IPO8: variants seen among roughly 807,000 people sequenced by gnomAD.
The protein encoded by IPO8 is importin 8.
Under a neutral mutation model 141.2 loss-of-function variants are expected in IPO8, and 65 were observed. The observed-to-expected ratio is 0.46, with a 90% CI of 0.38 to 0.57. The LOEUF (loss-of-function observed/expected upper bound fraction) is 0.57, where lower values mean the gene tolerates loss of function less well. IPO8 is among the 20% of genes least tolerant of loss of function. IPO8 has a pLI of 0.00. For missense variants in IPO8, 980 were observed against 1,246.8 expected, an observed-to-expected ratio of 0.79 and a Z score of 3.22; for synonymous variants, 411 against 420.3, an observed-to-expected ratio of 0.98 and a Z score of 0.27.
chr12:30,673,840 A>G (rs2053083111), intron 8 of IPO8, 150 bp downstream of exon 8: 4 of 481,670 alleles, frequency 8.3e-6, no homozygotes, highest in South Asian at 1.2e-4. Flanking sequence ...TTTTAAAACT[A>G]ATTGCACTGT....
chr12:30,659,011 G>A (rs1028000914), intron 16 of IPO8, among the ~76,000 whole-genome samples: 2 of 151,030 alleles, frequency 1.3e-5, no homozygotes, highest in Non-Finnish European at 2.9e-5. Flanking sequence ...CTCCCAAGTA[G>A]CTGGGACTAC....
intron 5 of IPO8, among the ~76,000 whole-genome samples, chr12:30,678,939 G>C (rs983546092): frequency 1.3e-5 from 2 of 152,078 alleles, no homozygotes; most frequent in Non-Finnish European, 2.9e-5. Flanking sequence ...TCCTGGGTTT[G>C]AGCAATTCTC....
intron 10 of IPO8, among the ~76,000 whole-genome samples, chr12:30,668,609 T>G (rs754968026): frequency 1.3e-5 from 2 of 152,176 alleles, no homozygotes; most frequent in African/African-American, 4.8e-5. Flanking sequence ...TGTTAAGTGC[T>G]TGAGTGTTCC....
At chr12:30,640,117 G>A (rs1591822812) in intron 20 of IPO8, among the ~76,000 whole-genome samples, 1 of 151,968 alleles carries the variant, frequency 6.6e-6, no homozygotes, top group South Asian at 2.1e-4. Context: ...TAAATAAATG[G>A]GACTGAAAAT....
chr12:30,660,042 G>A (rs1437104494), intron 16 of IPO8, among the ~76,000 whole-genome samples: 2 of 151,872 alleles, frequency 1.3e-5, no homozygotes, highest in Non-Finnish European at 2.9e-5. Flanking sequence ...GGCCAACGTG[G>A]TGAAACCCCA....
intron 16 of IPO8, among the ~76,000 whole-genome samples, chr12:30,659,919 T>C (rs540402365): frequency 1.4e-5 from 2 of 147,840 alleles, no homozygotes; most frequent in African/African-American, 2.5e-5. Context: ...GGTTTAACAA[T>C]GCTATTTAAA....
At chr12:30,636,352 C>T (rs917558600) in intron 22 of IPO8, among the ~76,000 whole-genome samples, 1 of 151,978 alleles carries the variant, frequency 6.6e-6, no homozygotes, top group Non-Finnish European at 1.5e-5. Flanking sequence ...ATGCTACTTC[C>T]TAGTCTCTAG....
chr12:30,630,476 T>C lies in IPO8; in HGVS notation c.*384A>G. On this transcript the variant is annotated 3_prime_UTR_variant, in exon 25 of 25. Coordinates refer to ENST00000256079, the MANE Select transcript of IPO8 (RefSeq NM_006390.4). ...ATTGCAATGCACTCCAAAAATTTTT[T>C]TCTGATAATTCATGTACAACAGAAG... 1 of 179,682 alleles carries C rather than the reference T, an allele frequency of 5.6e-6. No homozygotes were observed. Among genetic ancestry groups the C allele is most frequent in the Non-Finnish European group, 1.1e-5 (1 of 87,118 alleles). 11.1% of individuals were successfully genotyped at this position (179,682 alleles called of 1,614,324 possible). A position where few individuals can be genotyped will look rare whatever the true frequency, so the allele number is the denominator to read the frequency against.
intron 5 of IPO8, chr12:30,677,237 A>G (rs2053134391): frequency 2.1e-6 from 1 of 471,174 alleles, no homozygotes; most frequent in Middle Eastern, 3.3e-4. Context: ...GACTGCATAT[A>G]CAACAATGGT....
At chr12:30,644,851 C>T (rs2052621899) in intron 20 of IPO8, among the ~76,000 whole-genome samples, 1 of 151,422 alleles carries the variant, frequency 6.6e-6, no homozygotes, top group South Asian at 2.1e-4. Flanking sequence ...CAGGGTTTCA[C>T]CATGTTGGCC....
chr12:30,682,125 C>T (rs956422558), intron 3 of IPO8, among the ~76,000 whole-genome samples: 1 of 152,156 alleles, frequency 6.6e-6, no homozygotes, highest in Non-Finnish European at 1.5e-5. Flanking sequence ...TCTACCTCCA[C>T]TCTGTAAAAT....
chr12:30,637,822 A>G (rs562076094), intron 21 of IPO8, among the ~76,000 whole-genome samples: 3 of 152,364 alleles, frequency 2.0e-5, no homozygotes, highest in Admixed American at 2.0e-4. Flanking sequence ...TTAAAACTAA[A>G]AAATTAAGAA....
rs1402626857 is a variant in IPO8, at chr12:30,630,818, TA to T, written c.*41del. 1.3e-6 allele frequency: 2 copies of T among 1,507,010 alleles called. No individual in the cohort carries two copies. The highest frequency in any genetic ancestry group is 3.4e-5 in the Admixed American group (2 of 59,034). The allele number at this position is 1,507,010 out of a possible 1,614,324, so 93.4% of individuals were successfully genotyped here. ...TGACCCTCACACTCCTCTTGTGAAA[TA>T]AAATGCAGCGATGACATTTGGTCAG... On this transcript the variant is annotated 3_prime_UTR_variant, in exon 25 of 25. Transcript: ENST00000256079.
Position 30,630,962 on chromosome 12 carries a change from C to T in IPO8, c.3017-5G>A, listed in dbSNP as rs2052423752. On this transcript the variant is annotated splice_polypyrimidine_tract_variant and splice_region_variant and intron_variant, in intron 24 of 24. Transcript: ENST00000256079. Reference sequence around the variant, plus strand: ...GTTCAATCTTCTTCTTTGCCTCTAGCATTTTTCAAAAGAAAAGGGGAGAAG... The same window carrying T: ...GTTCAATCTTCTTCTTTGCCTCTAGTATTTTTCAAAAGAAAAGGGGAGAAG... 1 of 1,608,166 alleles carries T rather than the reference C, an allele frequency of 6.2e-7. No individual in the cohort carries two copies. Among genetic ancestry groups the T allele is most frequent in the South Asian group, 1.1e-5 (1 of 90,442 alleles).
Position 30,630,710 on chromosome 12 carries a change from G to A in IPO8, c.*150C>T. On this transcript the variant is annotated 3_prime_UTR_variant, in exon 25 of 25. Coordinates refer to ENST00000256079, the MANE Select transcript of IPO8 (RefSeq NM_006390.4). ...AGGGTGACAAAGGTCAAAGGGGAAA[G>A]AGTAGATAAAAGTGCTGCCTAATGC... The A allele has an allele frequency of 1.6e-6, 1 of 616,520 alleles. No homozygotes were observed. Among genetic ancestry groups the A allele is most frequent in the Non-Finnish European group, 2.9e-6 (1 of 345,866 alleles). The allele number at this position is 616,520 out of a possible 1,614,324, so 38.2% of individuals were successfully genotyped here.
chr12:30,683,702 T>C (rs554308322), intron 3 of IPO8, among the ~76,000 whole-genome samples: 18 of 152,230 alleles, frequency 1.2e-4, no homozygotes, highest in Non-Finnish European at 2.6e-4. Flanking sequence ...CAGTCATTGA[T>C]GCCTTGTGGC....
At chr12:30,652,845 G>T in intron 18 of IPO8, 122 bp downstream of exon 18, 1 of 934,384 alleles carries the variant, frequency 1.1e-6, no homozygotes, top group Non-Finnish European at 1.6e-6. Context: ...GCTTTTATGT[G>T]ACCGGGAAAT....
chr12:30,652,966 C>T lies in IPO8; in HGVS notation c.2074+1G>A. 1.2e-6 allele frequency: 2 copies of T among 1,604,320 alleles called. No individual in the cohort carries two copies. Among genetic ancestry groups the T allele is most frequent in the Non-Finnish European group, 1.7e-6 (2 of 1,176,668 alleles). On this transcript the variant is annotated splice_donor_variant, in intron 18 of 24. Coordinates refer to ENST00000256079, the MANE Select transcript of IPO8 (RefSeq NM_006390.4). LOFTEE classifies it high-confidence loss of function. The stretch of plus-strand genomic sequence containing the variant: ...AAAATTTTATATGGTCAAAGCCATA[C>T]CTGTAAAGTATTCAAAGCAATCCTG...
intron 10 of IPO8, among the ~76,000 whole-genome samples, chr12:30,667,431 G>A (rs1035747465): frequency 4.6e-5 from 7 of 152,142 alleles, no homozygotes; most frequent in African/African-American, 1.7e-4. Context: ...GGGGAAGTGA[G>A]GAGATGTTGG....
Sources: allele counts gnomAD v4.1 joint callset (sites outside exome capture counted in the v4.1 genomes callset), GRCh38; gene constraint gnomAD v4.1.1; transcripts MANE v1.5; gene names NCBI Gene and HGNC (gene_info 2026-07-23, HGNC 2026-07-21).